The following CNTNAP2 variants were observed in gnomAD, a reference collection of about 807,000 sequenced individuals.
CNTNAP2 encodes the protein contactin-associated protein-like 2.
In CNTNAP2, 98 loss-of-function variants were observed where a neutral mutation model predicts 155.2. The observed-to-expected ratio is 0.63, with a 90% CI of 0.54 to 0.75. CNTNAP2 has a LOEUF of 0.75. Among genes scored for constraint, CNTNAP2 ranks in the 30% least tolerant of loss-of-function variants. The pLI is 0.00. For synonymous variants in CNTNAP2, 651 were observed against 631.2 expected, an observed-to-expected ratio of 1.03 and a Z score of -0.47; for missense variants, 1,727 against 1,688.1, an observed-to-expected ratio of 1.02 and a Z score of -0.40.
chr7:146,529,150 AT>A (rs1028078926), intron 1 of CNTNAP2, among the ~76,000 whole-genome samples: 6 of 152,182 alleles, frequency 3.9e-5, no homozygotes, highest in African/African-American at 9.7e-5. Flanking sequence ...TTTCTTATGC[AT>A]TTTTTATATG....
At chr7:146,937,316 A>C (rs1209063448) in intron 3 of CNTNAP2, among the ~76,000 whole-genome samples, 2 of 151,000 alleles carry the variant, frequency 1.3e-5, no homozygotes, top group South Asian at 2.1e-4. Flanking sequence ...ACGCCACTGC[A>C]CTCCAGCCTG....
At chr7:147,328,300 A>G (rs1266906622) in intron 9 of CNTNAP2, among the ~76,000 whole-genome samples, 2 of 152,222 alleles carry the variant, frequency 1.3e-5, no homozygotes, top group East Asian at 3.8e-4. Flanking sequence ...CAAAGGATGT[A>G]GATCAGTGAT....
chr7:146,853,889 T>C (rs2129203645), intron 3 of CNTNAP2, among the ~76,000 whole-genome samples: 1 of 152,316 alleles, frequency 6.6e-6, no homozygotes, highest in East Asian at 1.9e-4. Flanking sequence ...AGGTTTACAA[T>C]TTATAAACAA....
intron 3 of CNTNAP2, among the ~76,000 whole-genome samples, chr7:146,929,604 G>C (rs180922752): frequency 3.5e-4 from 54 of 152,316 alleles, no homozygotes; most frequent in Non-Finnish European, 5.7e-4. Flanking sequence ...ACTTTGACGA[G>C]TTGAGAGAAT....
chr7:147,899,458 A>G (rs1799827796), intron 13 of CNTNAP2, among the ~76,000 whole-genome samples: 1 of 152,230 alleles, frequency 6.6e-6, no homozygotes, highest in South Asian at 2.1e-4. Flanking sequence ...CAGTTAAACA[A>G]TAAAAGTAAG....
Position 146,690,198 on chromosome 7 carries a change from A to G in CNTNAP2, c.98-84073A>G, listed in dbSNP as rs150618326. Among the ~76,000 whole-genome samples the G allele has an allele frequency of 5.5e-3, 838 of 152,164 alleles. 4 individuals are homozygous for G. The highest frequency in any genetic ancestry group is 0.02 in the African/African-American group (811 of 41,528). ...GTCTTCCAACAACAGTTCAATTTCA[A>G]TCCACAGCGTACTAACCATAATTGC... is the stretch of plus-strand genomic sequence containing the variant. On this transcript the variant is annotated intron_variant, in intron 1 of 23. Coordinates refer to ENST00000361727, the MANE Select transcript of CNTNAP2 (RefSeq NM_014141.6).
At chr7:147,705,663 A>G (rs979372063) in intron 13 of CNTNAP2, among the ~76,000 whole-genome samples, 2 of 152,134 alleles carry the variant, frequency 1.3e-5, no homozygotes, top group Non-Finnish European at 2.9e-5. Flanking sequence ...GAAGTTCCCA[A>G]CTATTATCGT....
chr7:147,517,754 A>G (rs1799153182), intron 11 of CNTNAP2, among the ~76,000 whole-genome samples: 1 of 152,198 alleles, frequency 6.6e-6, no homozygotes, highest in South Asian at 2.1e-4. Context: ...GAAACTTAAG[A>G]TTTCAAGTCC....
chr7:147,166,163 T>C (rs1802108993), intron 8 of CNTNAP2, among the ~76,000 whole-genome samples: 1 of 151,262 alleles, frequency 6.6e-6, no homozygotes, highest in Admixed American at 6.6e-5. Flanking sequence ...TGTAAAGAAA[T>C]TATGAGATAG....
At chr7:148,179,073 T>C (rs897015113) in intron 18 of CNTNAP2, among the ~76,000 whole-genome samples, 16 of 152,182 alleles carry the variant, frequency 1.1e-4, no homozygotes, top group African/African-American at 2.7e-4. Flanking sequence ...AAGATGCAAC[T>C]GGAAACCACA....
At chr7:146,232,936 T>C (rs1327051215) in intron 1 of CNTNAP2, among the ~76,000 whole-genome samples, 6 of 152,116 alleles carry the variant, frequency 3.9e-5, no homozygotes, top group Admixed American at 2.6e-4. Context: ...CCAGTTAAGG[T>C]AGAGAGACAA....
At chr7:146,806,384 T>C (rs1802967465) in intron 2 of CNTNAP2, among the ~76,000 whole-genome samples, 1 of 151,626 alleles carries the variant, frequency 6.6e-6, no homozygotes, top group East Asian at 1.9e-4. Flanking sequence ...TAATCCCAGC[T>C]ACTTGGGAGG....
At chr7:147,751,077 AAATT>A (rs199753655) in intron 13 of CNTNAP2, among the ~76,000 whole-genome samples, 1,655 of 151,000 alleles carry the variant, frequency 0.011, 94 homozygotes, top group Admixed American at 0.087. Context: ...TAAATAAAAT[AAATT>A]AAAAAAAATT....
chr7:146,837,780 C>T (rs181986828), intron 2 of CNTNAP2, among the ~76,000 whole-genome samples: 1 of 152,256 alleles, frequency 6.6e-6, no homozygotes, highest in Non-Finnish European at 1.5e-5. Flanking sequence ...GACTAGCCCT[C>T]ATATTAGGAC....
intron 14 of CNTNAP2, among the ~76,000 whole-genome samples, chr7:147,977,015 A>T (rs73168529): frequency 0.37 from 55,944 of 152,056 alleles, 12,214 homozygotes; most frequent in Middle Eastern, 0.63. Context: ...CCACAGCAGC[A>T]GAAAAAGAGG....
intron 11 of CNTNAP2, among the ~76,000 whole-genome samples, chr7:147,543,434 T>G (rs559607368): frequency 1.3e-5 from 2 of 152,340 alleles, no homozygotes; most frequent in Non-Finnish European, 2.9e-5. Flanking sequence ...TGGCCAGTTT[T>G]GGGGCCAGTT....
chr7:148,405,975 G>GT (rs1351858265), intron 22 of CNTNAP2, among the ~76,000 whole-genome samples: 3 of 152,058 alleles, frequency 2.0e-5, no homozygotes, highest in African/African-American at 7.2e-5. Flanking sequence ...GCTCACGCCT[G>GT]TAATCCCAGC....
At chr7:147,852,311 C>A (rs1160953698) in intron 13 of CNTNAP2, among the ~76,000 whole-genome samples, 1 of 152,144 alleles carries the variant, frequency 6.6e-6, no homozygotes, top group Non-Finnish European at 1.5e-5. Flanking sequence ...TTGCAAACTA[C>A]AATTACAGAG....
chr7:148,283,254 A>AGGAAAAG (rs1554411723), intron 21 of CNTNAP2, among the ~76,000 whole-genome samples: 1 of 64,042 alleles, frequency 1.6e-5, no homozygotes, highest in Non-Finnish European at 2.9e-5. Flanking sequence ...AAAAAAAAAA[A>AGGAAAAG]AAAAGAAAGA....
Sources: allele counts gnomAD v4.1 joint callset (sites outside exome capture counted in the v4.1 genomes callset), GRCh38; gene constraint gnomAD v4.1.1; transcripts MANE v1.5; gene names NCBI Gene and HGNC (gene_info 2026-07-23, HGNC 2026-07-21).